DCDC2: variants seen among roughly 807,000 people sequenced by gnomAD.
DCDC2 encodes doublecortin domain-containing protein 2.
A neutral mutation model predicts 50.2 loss-of-function variants in DCDC2; 40 were observed. The ratio of observed to expected loss-of-function variants is 0.80; its 90% CI spans 0.62 to 1.04. DCDC2 has a LOEUF of 1.04. Among genes scored for constraint, DCDC2 ranks in the 50% least tolerant of loss-of-function variants. DCDC2 has a pLI of 0.00. For missense variants in DCDC2, 570 were observed against 581.9 expected (o/e 0.98, Z 0.21); for synonymous variants, 234 against 210.6 (o/e 1.11, Z -0.96).
At chr6:24,307,793 T>C (rs2113842833) in intron 2 of DCDC2, among the ~76,000 whole-genome samples, 1 of 152,052 alleles carries the variant, frequency 6.6e-6, no homozygotes, top group South Asian at 2.1e-4. Flanking sequence ...ATTTTTTAAA[T>C]GGGAGAAAGA....
At chr6:24,176,943 T>G (rs116829445) in intron 9 of DCDC2, among the ~76,000 whole-genome samples, 3,031 of 152,370 alleles carry the variant, frequency 0.02, 54 homozygotes, top group African/African-American at 0.036. Flanking sequence ...TACAGGATTA[T>G]TTTTTAAAGT....
rs369281818 is a variant in DCDC2, at chr6:24,318,396, GT to G, written c.349-16353del. ...ACTGGGTTTTTTGTTGTTGTTGTTA[GT>G]TTTTTTAGTTGTTTTTTGTATAAAT... On this transcript the variant is annotated intron_variant, in intron 2 of 9. Transcript: ENST00000378454. Among the ~76,000 whole-genome samples, 198 of 152,018 alleles carry G rather than the reference GT, an allele frequency of 1.3e-3. 1 individual carries two copies. Among genetic ancestry groups the G allele is most frequent in the African/African-American group, 4.3e-3 (179 of 41,518 alleles).
intron 7 of DCDC2, among the ~76,000 whole-genome samples, chr6:24,259,390 A>G (rs1762962957): frequency 1.3e-5 from 2 of 152,228 alleles, no homozygotes; most frequent in African/African-American, 4.8e-5. Context: ...TAGAGTAAAT[A>G]GTGATATTCG....
At chr6:24,261,859 C>G (rs1402074972) in intron 7 of DCDC2, among the ~76,000 whole-genome samples, 1 of 152,106 alleles carries the variant, frequency 6.6e-6, no homozygotes, top group Non-Finnish European at 1.5e-5. Flanking sequence ...GTAGCCCATT[C>G]AAAATTCCAG....
At chr6:24,230,063 G>T (rs956234397) in intron 7 of DCDC2, among the ~76,000 whole-genome samples, 1 of 152,122 alleles carries the variant, frequency 6.6e-6, no homozygotes, top group African/African-American at 2.4e-5. Flanking sequence ...AGTTTTCTAA[G>T]GGATTTTACC....
intron 2 of DCDC2, among the ~76,000 whole-genome samples, chr6:24,318,128 C>T (rs941183527): frequency 3.3e-5 from 5 of 152,022 alleles, no homozygotes; most frequent in African/African-American, 1.2e-4. Context: ...TCTTTTGGCC[C>T]AGCAATGCCA....
chr6:24,383,198 T>C, the DCDC2 span, among the ~76,000 whole-genome samples: 7 of 151,958 alleles, frequency 4.6e-5, no homozygotes, highest in Admixed American at 2.0e-4. Flanking sequence ...TGGTGGCGCA[T>C]GCCTGTAATT....
At chr6:24,376,923 G>A in the DCDC2 span, among the ~76,000 whole-genome samples, 4 of 151,942 alleles carry the variant, frequency 2.6e-5, no homozygotes, top group Admixed American at 2.6e-4. Flanking sequence ...ACGCCACCTT[G>A]GAGATCCCAT....
intron 2 of DCDC2, among the ~76,000 whole-genome samples, chr6:24,329,738 T>C (rs1423123292): frequency 1.3e-5 from 2 of 152,162 alleles, no homozygotes; most frequent in African/African-American, 4.8e-5. Flanking sequence ...ACAAAATCCA[T>C]CCCACATGAA....
chr6:24,216,022 G>A (rs535064702), intron 7 of DCDC2, among the ~76,000 whole-genome samples: 1 of 152,290 alleles, frequency 6.6e-6, no homozygotes, highest in African/African-American at 2.4e-5. Flanking sequence ...AGAAGGAAGG[G>A]GATGGGGGTG....
At chr6:24,355,406 G>A (rs1311378587) in intron 1 of DCDC2, among the ~76,000 whole-genome samples, 5 of 151,940 alleles carry the variant, frequency 3.3e-5, no homozygotes, top group Admixed American at 1.3e-4. Flanking sequence ...TGCTTTAGAC[G>A]GAAATATTTA....
intron 8 of DCDC2, among the ~76,000 whole-genome samples, chr6:24,190,393 G>C (rs139341558): frequency 0.015 from 2,288 of 152,248 alleles, 54 homozygotes; most frequent in African/African-American, 0.052. Context: ...TTGGGGGAGA[G>C]GGGGAGGGAT....
At chr6:24,190,593 G>C (rs1336534725) in intron 8 of DCDC2, among the ~76,000 whole-genome samples, 4 of 152,080 alleles carry the variant, frequency 2.6e-5, no homozygotes, top group Non-Finnish European at 5.9e-5. Context: ...AGTAAATGTT[G>C]ATTTTCTTTC....
In DCDC2 at chr6:24,178,502, G is replaced by A. The variant is rs773020868; in HGVS notation, c.1154C>T (p.Pro385Leu). ...EEGGREATDA[P>L]EQVEEILDHS... ...ATCCAGAATCTCCTCGACTTGCTCA[G>A]GGGCATCTGTAGCCTCCCTACCTCC... Residue 385 changes from proline to leucine, a missense_variant, in exon 9 of 10, where the codon CCT (proline) becomes CTT (leucine). By Grantham distance (98) the Pro-to-Leu change is moderately conservative (BLOSUM62 -3). Transcript: ENST00000378454. The A allele has an allele frequency of 3.8e-5, 62 of 1,614,030 alleles. No homozygotes were observed. The highest frequency in any genetic ancestry group is 5.1e-5 in the Non-Finnish European group (60 of 1,180,046).
At chr6:24,286,246 C>T (rs975788346) in intron 6 of DCDC2, among the ~76,000 whole-genome samples, 1 of 152,054 alleles carries the variant, frequency 6.6e-6, no homozygotes, top group African/African-American at 2.4e-5. Context: ...TGATGAAGTA[C>T]CACAGTGATG....
At chr6:24,250,588 A>G (rs148216568) in intron 7 of DCDC2, among the ~76,000 whole-genome samples, 84 of 152,386 alleles carry the variant, frequency 5.5e-4, no homozygotes, top group African/African-American at 2.0e-3. Context: ...TGGTAACATT[A>G]TAATATACAC....
At chr6:24,321,681 T>G (rs997038384) in intron 2 of DCDC2, among the ~76,000 whole-genome samples, 1 of 152,208 alleles carries the variant, frequency 6.6e-6, no homozygotes, top group Non-Finnish European at 1.5e-5. Flanking sequence ...GACCTAGCAG[T>G]CATCTCTTTG....
chr6:24,346,740 C>T (rs1206225135), intron 2 of DCDC2, among the ~76,000 whole-genome samples: 3 of 145,340 alleles, frequency 2.1e-5, no homozygotes, highest in South Asian at 2.1e-4. Flanking sequence ...GGTGACAGAG[C>T]GAGACTCCAT....
At chr6:24,209,083 TATA>T (rs1279524230) in intron 7 of DCDC2, among the ~76,000 whole-genome samples, 1 of 152,196 alleles carries the variant, frequency 6.6e-6, no homozygotes, top group Non-Finnish European at 1.5e-5. Context: ...ATCCGAATGA[TATA>T]ATAAGAATAT....
Sources: allele counts gnomAD v4.1 joint callset (sites outside exome capture counted in the v4.1 genomes callset), GRCh38; gene constraint gnomAD v4.1.1; transcripts MANE v1.5; gene names NCBI Gene and HGNC (gene_info 2026-07-23, HGNC 2026-07-21).